EPHX1: variants seen among roughly 807,000 people sequenced by gnomAD.
EPHX1 encodes the protein epoxide hydratase.
Under a neutral mutation model 43.2 loss-of-function variants are expected in EPHX1, and 40 were observed. That is an observed-to-expected ratio of 0.93 (90% CI 0.72 to 1.21). The LOEUF (loss-of-function observed/expected upper bound fraction) is 1.21. Among genes scored for constraint, EPHX1 ranks in the 50% most tolerant of loss-of-function variants. The pLI, the probability that EPHX1 is intolerant of heterozygous loss-of-function variation, is 0.00. For missense variants in EPHX1, 550 were observed against 570.4 expected (o/e 0.96, Z 0.36); for synonymous variants, 221 against 226.7 (o/e 0.98, Z 0.22).
At chr1:225,832,371 A>C (rs528186215) in intron 3 of EPHX1, among the ~76,000 whole-genome samples, 4 of 152,334 alleles carry the variant, frequency 2.6e-5, no homozygotes, top group African/African-American at 9.6e-5. Flanking sequence ...TCCCATCTCT[A>C]CTAGAAATAC....
rs368254083 is a variant in EPHX1, at chr1:225,828,728, C to T, written c.-2C>T. The T allele has an allele frequency of 2.7e-5, 43 of 1,611,632 alleles. No homozygotes were observed. Among genetic ancestry groups the T allele is most frequent in the Non-Finnish European group, 3.1e-5 (36 of 1,179,424 alleles). ...ATGGCTTCCCCTCATCTTGCAGGAG[C>T]CATGTGGCTAGAAATCCTCCTCACT... On this transcript the variant is annotated 5_prime_UTR_variant, in exon 2 of 9. Transcript: ENST00000272167.
rs902203652 is a variant in EPHX1 at position 225,822,237 on chromosome 1, A to T, written c.-5-6488A>T. ...ACCACTATCTTCCAGTCACGTTTTTAAAAAAAATCATGCTGGTTTGCAACA... is the reference window on the plus strand; with the variant it reads ...ACCACTATCTTCCAGTCACGTTTTTTAAAAAAATCATGCTGGTTTGCAACA... On this transcript the variant is annotated intron_variant, in intron 1 of 8. Transcript: ENST00000272167. Among the ~76,000 whole-genome samples the T allele has an allele frequency of 3.3e-5, 5 of 152,032 alleles. 1 individual carries two copies. Among genetic ancestry groups the T allele is most frequent in the South Asian group, 4.1e-4 (2 of 4,828 alleles).
chr1:225,820,672 AT>A (rs746241793), intron 1 of EPHX1, among the ~76,000 whole-genome samples: 40 of 151,830 alleles, frequency 2.6e-4, no homozygotes, highest in Admixed American at 1.7e-3. Flanking sequence ...TTCTGCCTGG[AT>A]TATTCCCATT....
At chr1:225,830,214 A>G (rs527796508) in intron 2 of EPHX1, among the ~76,000 whole-genome samples, 3 of 152,320 alleles carry the variant, frequency 2.0e-5, no homozygotes, top group African/African-American at 7.2e-5. Context: ...CTCCCTGGGT[A>G]GGACTTGCTT....
chr1:225,831,564 A>AG (rs1667601512), intron 2 of EPHX1, among the ~76,000 whole-genome samples: 1 of 142,806 alleles, frequency 7.0e-6, no homozygotes, highest in Non-Finnish European at 1.6e-5. Context: ...AAAAAAGAAA[A>AG]AAGAAAAAAG....
intron 2 of EPHX1, among the ~76,000 whole-genome samples, chr1:225,829,763 G>T (rs1278594961): frequency 2.6e-5 from 4 of 152,130 alleles, no homozygotes; most frequent in Admixed American, 6.6e-5. Context: ...TGTGCACAAA[G>T]AAAAGTAGAC....
chr1:225,836,612 A>G (rs937853214), intron 3 of EPHX1, among the ~76,000 whole-genome samples: 13 of 152,320 alleles, frequency 8.5e-5, no homozygotes, highest in African/African-American at 1.7e-4. Context: ...AGAAGAAGAA[A>G]AAAAAAGGAA....
rs764676845 is a variant in EPHX1, at chr1:225,839,998, G to A, written c.892G>A (p.Gly298Ser). 9 of 1,614,038 alleles carry A rather than the reference G, an allele frequency of 5.6e-6. No homozygotes were observed. Among genetic ancestry groups the A allele is most frequent in the African/African-American group, 5.3e-5 (4 of 74,916 alleles). Reference protein sequence around the residue: ...KVFYSLMRESGYMHIQCTKPD... With the variant: ...KVFYSLMRESSYMHIQCTKPD... ...ATTCTACAGCCTGATGAGGGAGAGC[G>A]GCTACATGCACATCCAGTGCACCAA... Residue 298 changes from glycine to serine, a missense_variant, in exon 6 of 9, where the codon GGC becomes AGC. Physicochemically the swap from Gly to Ser is moderately conservative, Grantham distance 56. Coordinates refer to ENST00000272167, the MANE Select transcript of EPHX1 (RefSeq NM_001136018.4).
At chr1:225,844,996 G>C in intron 8 of EPHX1, 150 bp from the exon 9 acceptor site, 1 of 867,456 alleles carries the variant, frequency 1.2e-6, no homozygotes, top group African/African-American at 1.7e-5. Context: ...TGAGGGGAGA[G>C]CGGTTGAGAC....
intron 7 of EPHX1, among the ~76,000 whole-genome samples, chr1:225,844,092 A>G (rs536190301): frequency 9.1e-4 from 138 of 152,284 alleles, no homozygotes; most frequent in African/African-American, 3.2e-3. Flanking sequence ...TATGTCCCAT[A>G]GGCTGTTGAG....
chr1:225,831,546 CAAAAA>C (rs75126131), intron 2 of EPHX1, among the ~76,000 whole-genome samples: 1,689 of 104,700 alleles, frequency 0.016, 44 homozygotes, highest in African/African-American at 0.053. Flanking sequence ...GACCCTATCT[CAAAAA>C]AAAAAAAAGA....
chr1:225,833,540 A>T (rs1667736836), intron 3 of EPHX1, among the ~76,000 whole-genome samples: 1 of 152,188 alleles, frequency 6.6e-6, no homozygotes, highest in Non-Finnish European at 1.5e-5. Context: ...GCACGCCTGT[A>T]ATCCCAGCAC....
chr1:225,831,796 C>A lies in EPHX1; in HGVS notation c.201C>A (p.Ile67=). The A allele has an allele frequency of 6.2e-7, 1 of 1,614,062 alleles. No individual in the cohort carries two copies. Among genetic ancestry groups the A allele is most frequent in the Non-Finnish European group, 8.5e-7 (1 of 1,180,026 alleles). Residue 67 remains isoleucine, a synonymous_variant, in exon 3 of 9, where the codon ATC becomes ATA. Transcript: ENST00000272167. ...DEEIHDLHQR[I]DKFRFTPPLE... Reference sequence around the variant, plus strand: ...TGCTCCAGGACTTACACCAGAGGATCGATAAGTTCCGTTTCACCCCACCTT... The same window carrying A: ...TGCTCCAGGACTTACACCAGAGGATAGATAAGTTCCGTTTCACCCCACCTT...
chr1:225,840,740 C>G (rs1448677751), intron 6 of EPHX1: 2 of 154,938 alleles, frequency 1.3e-5, no homozygotes, highest in Non-Finnish European at 2.9e-5. Flanking sequence ...AGATGGGACC[C>G]CTGTAGCATC....
chr1:225,829,430 G>A (rs1381117723), intron 2 of EPHX1, among the ~76,000 whole-genome samples: 1 of 152,226 alleles, frequency 6.6e-6, no homozygotes, highest in Non-Finnish European at 1.5e-5. Flanking sequence ...GGGGCATAAA[G>A]CAACTCGTTC....
At chr1:225,837,560 C>T (rs924273910) in intron 3 of EPHX1, among the ~76,000 whole-genome samples, 1 of 152,188 alleles carries the variant, frequency 6.6e-6, no homozygotes, top group Admixed American at 6.5e-5. Flanking sequence ...CTCTGTTGCC[C>T]AGGCTGGAGT....
chr1:225,821,824 A>C (rs1421628079), intron 1 of EPHX1, among the ~76,000 whole-genome samples: 1 of 152,036 alleles, frequency 6.6e-6, no homozygotes, highest in Non-Finnish European at 1.5e-5. Context: ...TGGCCTCCCA[A>C]AGTGCTGGGA....
intron 1 of EPHX1, chr1:225,825,339 T>G (rs566379376): frequency 5.9e-5 from 9 of 152,422 alleles, no homozygotes; most frequent in African/African-American, 1.7e-4. Flanking sequence ...GCCTGCAGCC[T>G]GCCCTGCCTC....
intron 3 of EPHX1, among the ~76,000 whole-genome samples, chr1:225,833,228 G>A (rs1346748659): frequency 2.0e-5 from 3 of 152,174 alleles, no homozygotes; most frequent in Non-Finnish European, 4.4e-5. Flanking sequence ...AGATAATTTG[G>A]CCTTTTCAAG....
Sources: gnomAD v4.1 joint callset for allele counts (sites outside exome capture counted in the v4.1 genomes callset) on GRCh38, gnomAD v4.1.1 for gene constraint, MANE v1.5 for transcripts, NCBI Gene and HGNC (gene_info 2026-07-23, HGNC 2026-07-21) for gene names.